Variants in RNF222 observed in about 807,000 individuals in gnomAD.
RNF222 encodes RING finger protein LOC643904.
A neutral mutation model predicts 10.8 loss-of-function variants in RNF222; 14 were observed. The observed-to-expected ratio is 1.30, with a 90% confidence interval of 0.86 to 2.03. The LOEUF (loss-of-function observed/expected upper bound fraction) is 2.03. Among genes scored for constraint, RNF222 ranks in the 30% most tolerant of loss-of-function variants. RNF222 has a pLI of 0.00. For synonymous variants in RNF222, 141 were observed against 142.5 expected (o/e 0.99, Z 0.07); for missense variants, 298 against 295.8 (o/e 1.01, Z -0.06).
Position 8,392,686 on chromosome 17 carries a change from C to CCCCTCTGCCTCCCCTCTGCCTGCCCTCTG in RNF222, c.*112_*113insCAGAGGGCAGGCAGAGGGGAGGCAGAGGG. The stretch of plus-strand genomic sequence containing the variant: ...CCCAAGGCCCTCTCTGTGCCCAGGT[C>CCCCTCTGCCTCCCCTCTGCCTGCCCTCTG]CTCCCCTCTGCCTGCCCGCGTGCCC... On this transcript the variant is annotated 3_prime_UTR_variant, in exon 3 of 3. Coordinates refer to ENST00000399398, the MANE Select transcript of RNF222 (RefSeq NM_001146684.3). The surrounding 1 kb of genome is among the most constrained non-coding windows in gnomAD (Gnocchi z 4.3). 1.5e-6 allele frequency: 2 copies of CCCCTCTGCCTCCCCTCTGCCTGCCCTCTG among 1,324,808 alleles called. No homozygotes were observed. Among genetic ancestry groups the CCCCTCTGCCTCCCCTCTGCCTGCCCTCTG allele is most frequent in the Non-Finnish European group, 2.0e-6 (2 of 996,700 alleles). The allele number at this position is 1,324,808 out of a possible 1,614,324, so 82.1% of individuals were successfully genotyped here. A position where few individuals can be genotyped will look rare whatever the true frequency, so the allele number is the denominator to read the frequency against.
intron 1 of RNF222, among the ~76,000 whole-genome samples, chr17:8,396,299 CAG>C (rs1405564671): frequency 1.3e-5 from 2 of 152,104 alleles, no homozygotes; most frequent in Non-Finnish European, 2.9e-5. Context: ...TTAACCGAGA[CAG>C]AGAAGATTCC....
Position 8,393,133 on chromosome 17 carries a change from G to A in RNF222, c.329C>T (p.Ala110Val). 6.5e-7 allele frequency: 1 copy of A among 1,539,730 alleles called. No individual in the cohort carries two copies. Among genetic ancestry groups the A allele is most frequent in the Non-Finnish European group, 8.8e-7 (1 of 1,141,446 alleles). Residue 110 changes from alanine to valine, a missense_variant, in exon 3 of 3, where the codon GCC becomes GTC. Ala to Val is a moderately conservative substitution (Grantham distance 64). Transcript: ENST00000399398. ...LDSLGHTNPL[A>V]ASSPAWRPPP... ...TGGCCTCCAGGCAGGGGAGGAGGCG[G>A]CCAGGGGGTTTGTGTGGCCCAGGCT... is the stretch of plus-strand genomic sequence containing the variant.
Position 8,393,416 on chromosome 17 carries a change from C to G in RNF222, c.46G>C (p.Val16Leu), listed in dbSNP as rs770848041. 2 of 1,551,514 alleles carry G rather than the reference C, an allele frequency of 1.3e-6. No individual in the cohort carries two copies. The highest frequency in any genetic ancestry group is 1.7e-6 in the Non-Finnish European group (2 of 1,146,934). ...AGGTCCCGGAACTTCTCATAGCACA[C>G]GGGGCACTCACTGCCCGAGCTGTCC... ...SKDSSGSECPVCYEKFRDLEG... is the reference protein window; with the variant it reads ...SKDSSGSECPLCYEKFRDLEG... Residue 16 changes from valine to leucine, a missense_variant, in exon 3 of 3, where the codon GTG (valine) becomes CTG (leucine). Val to Leu is a conservative substitution (Grantham distance 32). Transcript: ENST00000399398.
intron 1 of RNF222, among the ~76,000 whole-genome samples, 168 bp downstream of exon 1, chr17:8,397,527 A>G (rs1908076719): frequency 6.6e-6 from 1 of 152,118 alleles, no homozygotes; most frequent in Admixed American, 6.5e-5. Flanking sequence ...GCAAGGTCCT[A>G]TAGCTTTAGC....
Position 8,393,417 on chromosome 17 carries a change from G to T in RNF222, c.45C>A (p.Pro15=). Residue 15 remains proline, a synonymous_variant, in exon 3 of 3, where the codon CCC becomes CCA. Transcript: ENST00000399398. ...GGTCCCGGAACTTCTCATAGCACAC[G>T]GGGCACTCACTGCCCGAGCTGTCCT... The part of the protein sequence containing the change: ...ESKDSSGSEC[P]VCYEKFRDLE... The T allele has an allele frequency of 6.4e-7, 1 of 1,551,536 alleles. No homozygotes were observed. Among genetic ancestry groups the T allele is most frequent in the African/African-American group, 1.4e-5 (1 of 73,150 alleles).
intron 1 of RNF222, among the ~76,000 whole-genome samples, chr17:8,394,684 C>G (rs897128178): frequency 6.6e-6 from 1 of 152,154 alleles, no homozygotes; most frequent in Non-Finnish European, 1.5e-5. Flanking sequence ...GTGATCCGCC[C>G]GCCTCGGCTG....
intron 1 of RNF222, among the ~76,000 whole-genome samples, chr17:8,396,796 C>T (rs1352737621): frequency 6.6e-6 from 1 of 152,172 alleles, no homozygotes; most frequent in African/African-American, 2.4e-5. Flanking sequence ...CCATTCCATT[C>T]CCCATCCTTG....
chr17:8,394,269 T>A lies in RNF222; in HGVS notation c.-117A>T, dbSNP rs756326649. The A allele has an allele frequency of 9.2e-5, 14 of 152,316 alleles. No individual in the cohort carries two copies. Among genetic ancestry groups the A allele is most frequent in the Non-Finnish European group, 1.2e-4 (8 of 68,026 alleles). 9.4% of individuals were successfully genotyped at this position (152,316 alleles called of 1,614,324 possible). On this transcript the variant is annotated 5_prime_UTR_variant, in exon 2 of 3. Coordinates refer to ENST00000399398, the MANE Select transcript of RNF222 (RefSeq NM_001146684.3). ...TGATTAACCGTGATGGAGACAGAAT[T>A]TCATCCTTTGAGAATATGTCTGATA...
chr17:8,394,824 A>G (rs940422724), intron 1 of RNF222, among the ~76,000 whole-genome samples: 2 of 152,232 alleles, frequency 1.3e-5, no homozygotes, highest in African/African-American at 4.8e-5. Flanking sequence ...TTGAAGGGAA[A>G]CATCCACTGG....
intron 1 of RNF222, 85 bp from the exon 2 acceptor site, chr17:8,394,414 A>ATATATAAAGTAACAAGT (rs967984492): frequency 6.6e-6 from 1 of 151,794 alleles, no homozygotes; most frequent in African/African-American, 2.4e-5. Flanking sequence ...AAGTAACAAG[A>ATATATAAAGTAACAAGT]TATATAAAGT....
chr17:8,392,880 C>T lies in RNF222; in HGVS notation c.582G>A (p.Leu194=). 6.5e-7 allele frequency: 1 copy of T among 1,533,314 alleles called. No homozygotes were observed. The highest frequency in any genetic ancestry group is 8.7e-7 in the Non-Finnish European group (1 of 1,146,132). 95.0% of individuals were successfully genotyped at this position (1,533,314 alleles called of 1,614,324 possible). A position where few individuals can be genotyped will look rare whatever the true frequency, so the allele number is the denominator to read the frequency against. The change falls in exon 3 of 3, where the codon CTG becomes CTA. Residue 194 remains leucine (L), a synonymous_variant. Coordinates refer to ENST00000399398, the MANE Select transcript of RNF222 (RefSeq NM_001146684.3). This position sits in a 1 kb window ranked among gnomAD's most constrained non-coding sequence, Gnocchi z 4.3. ...CCACAGCGATGAGCGTGATGAGCAG[C>T]AGGGCCCGCGATCGGCAGCAGAAGG... ...ARAFCCRSRA[L]LLITLIAVVA...
Position 8,393,334 on chromosome 17 carries a change from A to G in RNF222, c.128T>C (p.Val43Ala), listed in dbSNP as rs1301312153. 6.4e-7 allele frequency: 1 copy of G among 1,551,616 alleles called. No individual in the cohort carries two copies. Among genetic ancestry groups the G allele is most frequent in the Non-Finnish European group, 8.7e-7 (1 of 1,146,974 alleles). ...CACGCGGGTGGACAGCAGGTACTTGACCAGGCAGTCATGGCAGAACACATG... is the reference window on the plus strand; with the variant it reads ...CACGCGGGTGGACAGCAGGTACTTGGCCAGGCAGTCATGGCAGAACACATG... ...CGHVFCHDCL[V>A]KYLLSTRVDG... The change falls in exon 3 of 3, where the codon GTC becomes GCC. Residue 43 changes from valine (V) to alanine (A), a missense_variant. Transcript: ENST00000399398.
chr17:8,392,263 G>A lies in RNF222; in HGVS notation c.*536C>T, dbSNP rs550158116. The A allele has an allele frequency of 6.5e-6, 1 of 153,372 alleles. No individual in the cohort carries two copies. Among genetic ancestry groups the A allele is most frequent in the African/African-American group, 2.4e-5 (1 of 41,584 alleles). The allele number at this position is 153,372 out of a possible 1,614,324, so 9.5% of individuals were successfully genotyped here. ...GAAGCCCTTCTAAGCTGGCAGGTTG[G>A]GGACAGGGAGGGTTAGGGGATGGGG... On this transcript the variant is annotated 3_prime_UTR_variant, in exon 3 of 3. Transcript: ENST00000399398. The surrounding 1 kb of genome is among the most constrained non-coding windows in gnomAD (Gnocchi z 4.3).
At chr17:8,394,470 C>A (rs1392054967) in intron 1 of RNF222, 141 bp from the exon 2 acceptor site, 1 of 141,006 alleles carries the variant, frequency 7.1e-6, no homozygotes, top group Admixed American at 7.4e-5. Context: ...GGGAGTTTTG[C>A]TCTGTCGCCC....
At chr17:8,395,960 G>A (rs1287123061) in intron 1 of RNF222, among the ~76,000 whole-genome samples, 1 of 152,194 alleles carries the variant, frequency 6.6e-6, no homozygotes, top group East Asian at 1.9e-4. Flanking sequence ...TTGAGCACCT[G>A]CTATGTGCTA....
chr17:8,393,108 T>C lies in RNF222; in HGVS notation c.354A>G (p.Pro118=). 1 of 1,515,886 alleles carries C rather than the reference T, an allele frequency of 6.6e-7. No individual in the cohort carries two copies. Among genetic ancestry groups the C allele is most frequent in the South Asian group, 1.3e-5 (1 of 79,346 alleles). The allele number at this position is 1,515,886 out of a possible 1,614,324, so 93.9% of individuals were successfully genotyped here. ...CTGGCGGCCTGGCCTGGCCTGGAGG[T>C]GGCCTCCAGGCAGGGGAGGAGGCGG... ...PLAASSPAWR[P]PPGQARPPGS... is the part of the protein sequence containing the mutation. Residue 118 remains proline, a synonymous_variant, in exon 3 of 3, where the codon CCA becomes CCG. Coordinates refer to ENST00000399398, the MANE Select transcript of RNF222 (RefSeq NM_001146684.3).
At chr17:8,396,067 A>AT (rs1189649938) in intron 1 of RNF222, among the ~76,000 whole-genome samples, 1 of 152,184 alleles carries the variant, frequency 6.6e-6, no homozygotes, top group Non-Finnish European at 1.5e-5. Flanking sequence ...TGAAAAAGAT[A>AT]TTTTTTTGAA....
chr17:8,396,715 T>C (rs1157074041), intron 1 of RNF222, among the ~76,000 whole-genome samples: 1 of 152,108 alleles, frequency 6.6e-6, no homozygotes, highest in African/African-American at 2.4e-5. Context: ...GCTACCTCCT[T>C]CCCCACCTTC....
At position 8,392,645 on chromosome 17, in the gene RNF222, G is replaced by C. The variant is rs1193984991; in HGVS notation, c.*154C>G. ...GCCTCTCTGTCGAGCGGAAGCCCCTGCGGGGGTCGGGGAAGCCCAAGGCCC... is the reference window on the plus strand; with the variant it reads ...GCCTCTCTGTCGAGCGGAAGCCCCTCCGGGGGTCGGGGAAGCCCAAGGCCC... On this transcript the variant is annotated 3_prime_UTR_variant, in exon 3 of 3. Transcript: ENST00000399398. The surrounding 1 kb of genome is among the most constrained non-coding windows in gnomAD (Gnocchi z 4.3). 1.1e-6 allele frequency: 1 copy of C among 930,168 alleles called. No homozygotes were observed. Among genetic ancestry groups the C allele is most frequent in the Non-Finnish European group, 1.6e-6 (1 of 645,106 alleles). 57.6% of individuals were successfully genotyped at this position (930,168 alleles called of 1,614,324 possible). A position where few individuals can be genotyped will look rare whatever the true frequency, so the allele number is the denominator to read the frequency against.
Sources: allele counts gnomAD v4.1 joint callset (sites outside exome capture counted in the v4.1 genomes callset), GRCh38; gene constraint gnomAD v4.1.1; non-coding constraint Gnocchi (gnomAD v3.1); transcripts MANE v1.5; gene names NCBI Gene and HGNC (gene_info 2026-07-23, HGNC 2026-07-21).